The following ITSN1 variants were observed in gnomAD, a reference collection of about 807,000 sequenced individuals.
ITSN1 encodes intersectin-1.
In ITSN1, 58 loss-of-function variants were observed where a neutral mutation model predicts 239.8. The ratio of observed to expected loss-of-function variants is 0.24; its 90% CI spans 0.20 to 0.30. The LOEUF (loss-of-function observed/expected upper bound fraction) is 0.30. Ranked by LOEUF, ITSN1 falls within the 10% of genes least tolerant of loss-of-function variation. The pLI is 1.00. For missense variants in ITSN1, 1,558 were observed against 2,103.3 expected, an observed-to-expected ratio of 0.74 and a Z score of 5.07; for synonymous variants, 780 against 770.8, an observed-to-expected ratio of 1.01 and a Z score of -0.20.
At chr21:33,777,875 G>A (rs903523986) in intron 14 of ITSN1, among the ~76,000 whole-genome samples, 2 of 152,228 alleles carry the variant, frequency 1.3e-5, no homozygotes, top group African/African-American at 2.4e-5. Context: ...GTTCCCTCTC[G>A]ATGAAGGAAA....
intron 28 of ITSN1, 68 bp downstream of exon 28, chr21:33,834,492 C>G (rs1244790808): frequency 1.8e-6 from 2 of 1,082,532 alleles, no homozygotes. Flanking sequence ...ACTTGATTTT[C>G]TCATTAAATA....
At chr21:33,779,330 C>T (rs896409148) in intron 14 of ITSN1, among the ~76,000 whole-genome samples, 7 of 152,140 alleles carry the variant, frequency 4.6e-5, no homozygotes, top group Non-Finnish European at 1.0e-4. Flanking sequence ...TCCATCTAAA[C>T]ACTGACATTG....
intron 28 of ITSN1, among the ~76,000 whole-genome samples, chr21:33,834,656 C>G (rs1316545195): frequency 6.6e-6 from 1 of 152,332 alleles, no homozygotes; most frequent in East Asian, 1.9e-4. Context: ...TTGGAATGCT[C>G]TTCTTGCAGG....
intron 1 of ITSN1, among the ~76,000 whole-genome samples, chr21:33,713,611 TA>T (rs1358589449): frequency 1.3e-5 from 2 of 152,244 alleles, no homozygotes; most frequent in African/African-American, 4.8e-5. Flanking sequence ...CAAGCATATA[TA>T]ATGGTAGGAC....
chr21:33,646,655 A>G (rs2087981364), intron 1 of ITSN1, among the ~76,000 whole-genome samples: 2 of 152,232 alleles, frequency 1.3e-5, no homozygotes. Flanking sequence ...TAGTAATAAT[A>G]AAGTTCACAT....
chr21:33,761,030 ATTC>A (rs575340121), intron 8 of ITSN1, among the ~76,000 whole-genome samples: 23 of 150,388 alleles, frequency 1.5e-4, no homozygotes, highest in Admixed American at 4.0e-4. Context: ...AATTCCAGGA[ATTC>A]TTCTTTTTTT....
At position 33,811,885 on chromosome 21, in the gene ITSN1, T is replaced by G. The variant is rs139210562; in HGVS notation, c.2567+663T>G. Among the ~76,000 whole-genome samples, 176 of 152,342 alleles carry G rather than the reference T, an allele frequency of 1.2e-3. 3 individuals carry two copies. The East Asian group carries it at 0.032, about 28-fold the overall frequency. ...TGTCTAAAAATATTTTATACTAGGATACAAGTATGAGTGATTTGAATAAGA... is the reference window on the plus strand; with the variant it reads ...TGTCTAAAAATATTTTATACTAGGAGACAAGTATGAGTGATTTGAATAAGA... On this transcript the variant is annotated intron_variant, in intron 21 of 39. Transcript: ENST00000381318.
intron 1 of ITSN1, among the ~76,000 whole-genome samples, chr21:33,677,872 T>C (rs1360489628): frequency 6.6e-6 from 1 of 152,226 alleles, no homozygotes; most frequent in Non-Finnish European, 1.5e-5. Context: ...GTTAAAACAT[T>C]AGGCCACCAC....
At chr21:33,874,987 G>A (rs1344222150) in intron 33 of ITSN1, among the ~76,000 whole-genome samples, 1 of 152,200 alleles carries the variant, frequency 6.6e-6, no homozygotes, top group Non-Finnish European at 1.5e-5. Context: ...AGGGCCCCAT[G>A]GTTATATGTA....
At chr21:33,774,900 T>A in intron 13 of ITSN1, 22 bp downstream of exon 13, 2 of 1,606,002 alleles carry the variant, frequency 1.2e-6, no homozygotes, top group Middle Eastern at 1.7e-4. Context: ...TTGGTTATAC[T>A]TTGAAAATAT....
intron 18 of ITSN1, 24 bp from the exon 19 acceptor site, chr21:33,799,784 C>T: frequency 1.2e-6 from 2 of 1,609,276 alleles, no homozygotes; most frequent in Non-Finnish European, 8.5e-7. Flanking sequence ...TATTTTTGTC[C>T]CCCCCACCTT....
At chr21:33,703,499 T>C (rs957921943) in intron 1 of ITSN1, among the ~76,000 whole-genome samples, 6 of 152,224 alleles carry the variant, frequency 3.9e-5, no homozygotes, top group Admixed American at 2.0e-4. Context: ...TGTTTTTCTA[T>C]TTTTTGTACC....
rs115243617 is a variant in ITSN1, at chr21:33,730,223, A to G, written c.186-4821A>G. ...CTCAGACAAGGTCACTCCCTCTTCT[A>G]TCCCTTTACCCTGTTTCCACCCATT... is the stretch of plus-strand genomic sequence containing the variant. On this transcript the variant is annotated intron_variant, in intron 4 of 39. Transcript: ENST00000381318. Among the ~76,000 whole-genome samples the G allele has an allele frequency of 7.1e-3, 1,080 of 152,088 alleles. 12 individuals carry two copies. The highest frequency in any genetic ancestry group is 0.024 in the African/African-American group (995 of 41,502).
chr21:33,761,989 A>G lies in ITSN1; in HGVS notation c.788+3A>G. ...CAGGCTCAGCTGGCTTCAATATGGT[A>G]AGGAATGAAAAGTTCTTTGGTTTGG... is the stretch of plus-strand genomic sequence containing the variant. On this transcript the variant is annotated splice_donor_region_variant and intron_variant, in intron 9 of 39. Transcript: ENST00000381318. The G allele has an allele frequency of 6.2e-7, 1 of 1,606,334 alleles. No homozygotes were observed. The highest frequency in any genetic ancestry group is 8.5e-7 in the Non-Finnish European group (1 of 1,172,874).
chr21:33,819,944 T>TGCAGTCC (rs1484970460), intron 24 of ITSN1, among the ~76,000 whole-genome samples: 2 of 152,082 alleles, frequency 1.3e-5, no homozygotes, highest in Admixed American at 6.5e-5. Context: ...ATTGCGCCAC[T>TGCAGTCC]GCAGTCCGCA....
chr21:33,735,575 A>G (rs1287354600), intron 5 of ITSN1: 3 of 248,826 alleles, frequency 1.2e-5, no homozygotes. Flanking sequence ...CCTTGTGCAT[A>G]AACAATTCCT....
At chr21:33,746,297 C>T (rs1237933739) in intron 5 of ITSN1, among the ~76,000 whole-genome samples, 2 of 152,062 alleles carry the variant, frequency 1.3e-5, no homozygotes, top group Non-Finnish European at 1.5e-5. Flanking sequence ...AAATTTGAGA[C>T]ATTAAAAAAT....
intron 1 of ITSN1, among the ~76,000 whole-genome samples, chr21:33,665,132 G>A (rs565890860): frequency 3.4e-4 from 51 of 152,138 alleles, no homozygotes; most frequent in African/African-American, 1.1e-3. Flanking sequence ...GCGTGGTGGC[G>A]GGTGCTTGTA....
chr21:33,761,344 G>A (rs1404493409), intron 8 of ITSN1, among the ~76,000 whole-genome samples: 2 of 152,042 alleles, frequency 1.3e-5, no homozygotes, highest in Admixed American at 6.6e-5. Context: ...TGGGATTACA[G>A]GCACGAGTGA....
Sources: gnomAD v4.1 joint callset for allele counts (sites outside exome capture counted in the v4.1 genomes callset) on GRCh38, gnomAD v4.1.1 for gene constraint, MANE v1.5 for transcripts, NCBI Gene and HGNC (gene_info 2026-07-23, HGNC 2026-07-21) for gene names.